The following ATF7IP2 variants were observed in gnomAD, a reference collection of about 807,000 sequenced individuals.
The protein encoded by ATF7IP2 is activating transcription factor 7-interacting protein 2.
ATF7IP2 carries 42 observed loss-of-function variants against 64.2 expected under a neutral mutation model. The observed-to-expected ratio is 0.65, with a 90% CI of 0.51 to 0.85. The LOEUF is 0.85. ATF7IP2 is among the 40% of genes least tolerant of loss of function. The pLI is 0.00. For missense variants in ATF7IP2, 933 were observed against 784.2 expected (o/e 1.19, Z -2.27); for synonymous variants, 308 against 272.8 (o/e 1.13, Z -1.27).
intron 1 of ATF7IP2, among the ~76,000 whole-genome samples, chr16:10,395,494 A>G (rs1306436338): frequency 6.6e-6 from 1 of 152,182 alleles, no homozygotes; most frequent in Non-Finnish European, 1.5e-5. Context: ...ATAGGAAAAG[A>G]AAACTGCAGA....
chr16:10,427,090 G>T (rs1009642003), intron 3 of ATF7IP2, among the ~76,000 whole-genome samples: 1 of 152,172 alleles, frequency 6.6e-6, no homozygotes, highest in Admixed American at 6.5e-5. Flanking sequence ...CTGGCCTCAG[G>T]TGATCCGTTC....
At chr16:10,408,426 A>C (rs935927176) in intron 1 of ATF7IP2, among the ~76,000 whole-genome samples, 15 of 152,144 alleles carry the variant, frequency 9.9e-5, no homozygotes, top group African/African-American at 3.6e-4. Flanking sequence ...ACTGTTTTCC[A>C]TGATGGTTGT....
At chr16:10,435,021 G>A (rs1353095424) in intron 6 of ATF7IP2, among the ~76,000 whole-genome samples, 2 of 152,280 alleles carry the variant, frequency 1.3e-5, no homozygotes, top group Admixed American at 1.3e-4. Context: ...GCCCGCCTCG[G>A]CCTCCCAAAG....
At chr16:10,425,956 C>T (rs2048077341) in intron 3 of ATF7IP2, among the ~76,000 whole-genome samples, 2 of 151,670 alleles carry the variant, frequency 1.3e-5, no homozygotes, top group South Asian at 4.2e-4. Flanking sequence ...TTTACATCAT[C>T]ATAAAACATT....
intron 9 of ATF7IP2, among the ~76,000 whole-genome samples, chr16:10,459,666 C>G (rs2049307746): frequency 6.6e-6 from 1 of 152,012 alleles, no homozygotes; most frequent in Admixed American, 6.6e-5. Flanking sequence ...AATAAATACA[C>G]TAATGTGATT....
chr16:10,425,005 TG>T (rs2048055217), intron 3 of ATF7IP2, among the ~76,000 whole-genome samples: 1 of 151,646 alleles, frequency 6.6e-6, no homozygotes, highest in Non-Finnish European at 1.5e-5. Context: ...CAAAGAAACA[TG>T]AAAACATTAT....
chr16:10,394,854 A>T (rs988249733), intron 1 of ATF7IP2, among the ~76,000 whole-genome samples: 4 of 152,158 alleles, frequency 2.6e-5, no homozygotes, highest in Admixed American at 1.3e-4. Flanking sequence ...CAATTACAGC[A>T]ATTCTTAGAA....
intron 3 of ATF7IP2, among the ~76,000 whole-genome samples, chr16:10,426,079 T>C (rs1193538079): frequency 6.6e-6 from 1 of 152,218 alleles, no homozygotes; most frequent in Non-Finnish European, 1.5e-5. Context: ...CCTCTTTCTA[T>C]GTGCTAAAAT....
intron 8 of ATF7IP2, among the ~76,000 whole-genome samples, chr16:10,452,571 T>C (rs1383476348): frequency 1.3e-5 from 2 of 152,098 alleles, no homozygotes; most frequent in Non-Finnish European, 2.9e-5. Context: ...CCAGTCAGGA[T>C]ACACGGGGGT....
intron 7 of ATF7IP2, among the ~76,000 whole-genome samples, chr16:10,438,732 C>T (rs59973833): frequency 0.033 from 5,034 of 152,196 alleles, 98 homozygotes; most frequent in South Asian, 0.058. Context: ...AACTGTTAGG[C>T]ATTCTGTGTC....
chr16:10,431,820 CTTTTT>C (rs35046235), intron 5 of ATF7IP2, among the ~76,000 whole-genome samples: 3 of 113,296 alleles, frequency 2.6e-5, no homozygotes, highest in Non-Finnish European at 5.3e-5. Context: ...AACCCTATTT[CTTTTT>C]TTTTTTTTTT....
chr16:10,483,572 G>C lies in ATF7IP2; in HGVS notation c.*1323G>C, dbSNP rs1365754541. 12 of 152,166 alleles carry C rather than the reference G, an allele frequency of 7.9e-5. No individual in the cohort carries two copies. The highest frequency in any genetic ancestry group is 2.6e-4 in the Admixed American group (4 of 15,276). 9.4% of individuals were successfully genotyped at this position (152,166 alleles called of 1,614,324 possible). On this transcript the variant is annotated 3_prime_UTR_variant, in exon 14 of 14. Transcript: ENST00000562102. The stretch of plus-strand genomic sequence containing the variant: ...GTTCAGGCTCCAGAGACTCAAAACG[G>C]AATGGTTTTCCTTGGCATTTTGTAA...
At chr16:10,433,894 T>C (rs1213274285) in intron 6 of ATF7IP2, among the ~76,000 whole-genome samples, 2 of 152,202 alleles carry the variant, frequency 1.3e-5, no homozygotes, top group East Asian at 1.9e-4. Flanking sequence ...TAGAGTCCTG[T>C]TGCAAAAAGA....
In ATF7IP2 at chr16:10,414,052, G is replaced by A. The variant is rs529629031; in HGVS notation, c.-241-522G>A. 6.3e-4 allele frequency among the ~76,000 whole-genome samples: 96 copies of A among 152,308 alleles called. 1 individual carries two copies. Among genetic ancestry groups the A allele is most frequent in the African/African-American group, 2.1e-3 (86 of 41,572 alleles). ...CTTAACTTTAGATAATCTGATGCCA[G>A]TGTGCCTAGGTGATGCTCTTTTTGC... On this transcript the variant is annotated intron_variant, in intron 1 of 13. Transcript: ENST00000562102.
chr16:10,482,076 T>A lies in ATF7IP2; in HGVS notation c.1876T>A (p.Trp626Arg). Residue 626 changes from tryptophan (W) to arginine (R), a missense_variant, in exon 14 of 14, where the codon TGG (tryptophan) becomes AGG (arginine). Coordinates refer to ENST00000562102, the MANE Select transcript of ATF7IP2 (RefSeq NM_001393719.1). ...TGAGAACTCTAATAATAAGTTGATT[T>A]GGAAGAAGATTGGAGAAATTAAAGC... ...CHENSNNKLI[W>R]KKIGEIKALP... 1 of 1,614,150 alleles carries A rather than the reference T, an allele frequency of 6.2e-7. No individual in the cohort carries two copies. Among genetic ancestry groups the A allele is most frequent in the African/African-American group, 1.3e-5 (1 of 75,040 alleles).
At chr16:10,390,799 AAG>A (rs1424816497) in intron 1 of ATF7IP2, among the ~76,000 whole-genome samples, 2 of 152,128 alleles carry the variant, frequency 1.3e-5, no homozygotes, top group African/African-American at 4.8e-5. Flanking sequence ...GAAAAGGAAA[AAG>A]AGAGACTGAA....
chr16:10,404,288 T>C (rs1276052630), intron 1 of ATF7IP2, among the ~76,000 whole-genome samples: 1 of 152,206 alleles, frequency 6.6e-6, no homozygotes, highest in African/African-American at 2.4e-5. Context: ...AGTCTCACTC[T>C]GTCACCCAGG....
At chr16:10,446,979 G>A (rs1465444701) in intron 8 of ATF7IP2, 1 of 151,108 alleles carries the variant, frequency 6.6e-6, no homozygotes, top group Non-Finnish European at 1.5e-5. Context: ...TTCTCCTTTT[G>A]CTTCGTCTTC....
intron 8 of ATF7IP2, among the ~76,000 whole-genome samples, chr16:10,454,709 C>T (rs2049110322): frequency 6.6e-6 from 1 of 152,084 alleles, no homozygotes; most frequent in South Asian, 2.1e-4. Flanking sequence ...ATCACTTATT[C>T]TAAGCATCTT....
Sources: allele counts gnomAD v4.1 joint callset (sites outside exome capture counted in the v4.1 genomes callset), GRCh38; gene constraint gnomAD v4.1.1; transcripts MANE v1.5; gene names NCBI Gene and HGNC (gene_info 2026-07-23, HGNC 2026-07-21).